Variants in CDC42EP5 observed in about 807,000 individuals in gnomAD.
CDC42EP5 encodes the protein CDC42 effector protein 5.
For synonymous variants in CDC42EP5, 118 were observed against 123.3 expected (o/e 0.96, Z 0.28); for missense variants, 269 against 238.0 (o/e 1.13, Z -0.86).
At chr19:54,470,409 AAG>A (rs1404596513) in intron 2 of CDC42EP5, among the ~76,000 whole-genome samples, 3 of 150,402 alleles carry the variant, frequency 2.0e-5, no homozygotes, top group Admixed American at 6.7e-5. Flanking sequence ...GAGAGAGAAA[AAG>A]AGAGAGAAGG....
rs2084747414 is a variant in CDC42EP5, at chr19:54,465,683, T to C, written c.1-136A>G. 11 of 1,092,718 alleles carry C rather than the reference T, an allele frequency of 1.0e-5. No homozygotes were observed. The South Asian group carries it at 2.0e-4, about 20-fold the overall frequency. The allele number at this position is 1,092,718 out of a possible 1,614,324, so 67.7% of individuals were successfully genotyped here. The stretch of plus-strand genomic sequence containing the variant: ...TTTTGAGACGGAGTCTCGCCCATGC[T>C]GGAGTTCAATGGCGCCATCCCGGCT... On this transcript the variant is annotated intron_variant, in intron 2 of 2. Coordinates refer to ENST00000301200, the MANE Select transcript of CDC42EP5 (RefSeq NM_145057.4).
At chr19:54,468,439 A>T (rs1347202161) in intron 2 of CDC42EP5, among the ~76,000 whole-genome samples, 1 of 152,144 alleles carries the variant, frequency 6.6e-6, no homozygotes, top group African/African-American at 2.4e-5. Flanking sequence ...AGCATTTATC[A>T]AATTTCTCTG....
chr19:54,466,540 A>T (rs1312360703), intron 2 of CDC42EP5, among the ~76,000 whole-genome samples: 1 of 152,210 alleles, frequency 6.6e-6, no homozygotes, highest in Non-Finnish European at 1.5e-5. Flanking sequence ...AGCAAAGCAG[A>T]TCCTGCCTAG....
intron 2 of CDC42EP5, among the ~76,000 whole-genome samples, chr19:54,466,933 CT>C (rs57592448): frequency 0.17 from 22,618 of 131,044 alleles, 2,076 homozygotes; most frequent in Middle Eastern, 0.3. Flanking sequence ...TGTACCTGAT[CT>C]TTTTTTTTTT....
At chr19:54,469,836 G>A (rs890134381) in intron 2 of CDC42EP5, among the ~76,000 whole-genome samples, 2 of 152,078 alleles carry the variant, frequency 1.3e-5, no homozygotes, top group South Asian at 2.1e-4. Context: ...CTCTTGACTC[G>A]TGGACAGCTC....
chr19:54,468,538 T>A lies in CDC42EP5; in HGVS notation c.1-2991A>T, dbSNP rs550392722. 2.6e-5 allele frequency among the ~76,000 whole-genome samples: 4 copies of A among 152,206 alleles called. No individual in the cohort carries two copies. The South Asian group carries it at 8.3e-4, about 32-fold the overall frequency. On this transcript the variant is annotated intron_variant, in intron 2 of 2. Coordinates refer to ENST00000301200, the MANE Select transcript of CDC42EP5 (RefSeq NM_145057.4). Reference sequence around the variant, plus strand: ...TTCCCCATAATGGAAATAAAAATTTTAAGAAACAAGATTTGTCTTGTTTTG... The same window carrying A: ...TTCCCCATAATGGAAATAAAAATTTAAAGAAACAAGATTTGTCTTGTTTTG...
At chr19:54,468,380 C>G (rs2123291964) in intron 2 of CDC42EP5, among the ~76,000 whole-genome samples, 1 of 150,916 alleles carries the variant, frequency 6.6e-6, no homozygotes, top group East Asian at 2.0e-4. Context: ...CACACACACT[C>G]TTTACATTGA....
intron 1 of CDC42EP5, among the ~76,000 whole-genome samples, chr19:54,472,456 G>C (rs1419025283): frequency 4.7e-5 from 3 of 63,930 alleles, no homozygotes; most frequent in Non-Finnish European, 9.0e-5. Flanking sequence ...TCAGACCCAG[G>C]AGTCAAGACC....
At chr19:54,472,973 GA>G (rs2084869040) in intron 1 of CDC42EP5, 90 bp downstream of exon 1, 1 of 96,754 alleles carries the variant, frequency 1.0e-5, no homozygotes, top group Non-Finnish European at 2.0e-5. Context: ...TCCTCCCTCA[GA>G]CCCAGGAGTC....
At chr19:54,468,387 T>A (rs2084784248) in intron 2 of CDC42EP5, among the ~76,000 whole-genome samples, 1 of 151,998 alleles carries the variant, frequency 6.6e-6, no homozygotes, top group Non-Finnish European at 1.5e-5. Flanking sequence ...ACTCTTTACA[T>A]TGATTTCCAT....
Position 54,465,353 on chromosome 19 carries a change from C to T in CDC42EP5, c.195G>A (p.Ala65=), listed in dbSNP as rs1238928724. The change falls in exon 3 of 3, where the codon GCG becomes GCA. Residue 65 remains alanine, a synonymous_variant. Coordinates refer to ENST00000301200, the MANE Select transcript of CDC42EP5 (RefSeq NM_145057.4). ...GPPPEPRAPP[A]GAPRSPPPPA... ...GCGGCGGCGGGGAGCGCGGGGCCCC[C>T]GCGGGGGGCGCCCGGGGCTCGGGGG... The T allele has an allele frequency of 3.5e-6, 4 of 1,155,842 alleles. No individual in the cohort carries two copies. Among genetic ancestry groups the T allele is most frequent in the African/African-American group, 1.6e-5 (1 of 60,926 alleles). The allele number at this position is 1,155,842 out of a possible 1,614,324, so 71.6% of individuals were successfully genotyped here. A position where few individuals can be genotyped will look rare whatever the true frequency, so the allele number is the denominator to read the frequency against.
At chr19:54,470,752 G>A (rs1824359976) in intron 2 of CDC42EP5, among the ~76,000 whole-genome samples, 1 of 152,132 alleles carries the variant, frequency 6.6e-6, no homozygotes, top group South Asian at 2.1e-4. Flanking sequence ...CTTGCCCTGG[G>A]TCACACAGTA....
At chr19:54,470,544 GAAA>G (rs2084821006) in intron 2 of CDC42EP5, among the ~76,000 whole-genome samples, 1 of 141,520 alleles carries the variant, frequency 7.1e-6, no homozygotes, top group Non-Finnish European at 1.5e-5. Context: ...GAAGGAAAAA[GAAA>G]GAAAAAAAGA....
intron 2 of CDC42EP5, among the ~76,000 whole-genome samples, chr19:54,470,199 C>G (rs2084815752): frequency 1.3e-5 from 2 of 152,028 alleles, no homozygotes; most frequent in South Asian, 4.1e-4. Flanking sequence ...GAGATGATCT[C>G]TCTACAAAAA....
At position 54,473,054 on chromosome 19, in the gene CDC42EP5, G is replaced by T. The variant is rs139397377; in HGVS notation, c.-142+10C>A. 713 of 157,246 alleles carry T rather than the reference G, an allele frequency of 4.5e-3. 5 individuals carry two copies. Among genetic ancestry groups the T allele is most frequent in the Middle Eastern group, 0.034 (11 of 324 alleles). 9.7% of individuals were successfully genotyped at this position (157,246 alleles called of 1,614,324 possible). A position where few individuals can be genotyped will look rare whatever the true frequency, so the allele number is the denominator to read the frequency against. ...CACCCCTGGCAAGCCCTGGCATAAGGCCCCTTTACCTGCACCGGGAGCTAA... is the reference window on the plus strand; with the variant it reads ...CACCCCTGGCAAGCCCTGGCATAAGTCCCCTTTACCTGCACCGGGAGCTAA... On this transcript the variant is annotated intron_variant, in intron 1 of 2. Coordinates refer to ENST00000301200, the MANE Select transcript of CDC42EP5 (RefSeq NM_145057.4).
chr19:54,471,019 T>C (rs2084828131), intron 2 of CDC42EP5, among the ~76,000 whole-genome samples: 1 of 152,208 alleles, frequency 6.6e-6, no homozygotes, highest in Admixed American at 6.5e-5. Context: ...TCTGCCAGCC[T>C]GGGTGTCCTC....
At chr19:54,465,729 G>C (rs1028229412) in intron 2 of CDC42EP5, among the ~76,000 whole-genome samples, 182 bp from the exon 3 acceptor site, 1 of 152,150 alleles carries the variant, frequency 6.6e-6, no homozygotes, top group African/African-American at 2.4e-5. Flanking sequence ...TCCGCCTCCC[G>C]GGTTCAGGCG....
chr19:54,470,185 A>T (rs7247245), intron 2 of CDC42EP5, among the ~76,000 whole-genome samples: 42,328 of 151,740 alleles, frequency 0.28, 6,441 homozygotes, highest in African/African-American at 0.4. Context: ...ATGCGCAACA[A>T]AGTGAGATGA....
chr19:54,467,117 C>T (rs2084765951), intron 2 of CDC42EP5, among the ~76,000 whole-genome samples: 2 of 150,462 alleles, frequency 1.3e-5, no homozygotes, highest in Non-Finnish European at 3.0e-5. Flanking sequence ...GAGACTACAA[C>T]CTAACAATAT....
Sources: allele counts gnomAD v4.1 joint callset (sites outside exome capture counted in the v4.1 genomes callset), GRCh38; gene constraint gnomAD v4.1.1; transcripts MANE v1.5; gene names NCBI Gene and HGNC (gene_info 2026-07-23, HGNC 2026-07-21).